Variants in SAMD12 observed in about 807,000 individuals in gnomAD.
SAMD12 encodes sterile alpha motif domain containing 12.
SAMD12 carries 9 observed loss-of-function variants against 15.0 expected under a neutral mutation model. The observed-to-expected ratio is 0.60, with a 90% CI of 0.36 to 1.05. The LOEUF is 1.05. Among genes scored for constraint, SAMD12 ranks in the 50% least tolerant of loss-of-function variants. The probability of loss-of-function intolerance (pLI) is 0.01; values close to 1 mark genes in which losing one functional copy is unlikely to be tolerated. For missense variants in SAMD12, 230 were observed against 234.2 expected (o/e 0.98, Z 0.12); for synonymous variants, 86 against 90.1 (o/e 0.96, Z 0.25).
chr8:118,397,159 T>G (rs547027219), intron 3 of SAMD12, among the ~76,000 whole-genome samples: 78 of 152,110 alleles, frequency 5.1e-4, no homozygotes, highest in Non-Finnish European at 9.6e-4. Flanking sequence ...CAAGGAGAAG[T>G]CTGGTTTGAG....
chr8:118,148,525 C>A, the SAMD12 span, among the ~76,000 whole-genome samples: 1 of 152,124 alleles, frequency 6.6e-6, no homozygotes, highest in Non-Finnish European at 1.5e-5. Flanking sequence ...AAAACTGCTT[C>A]ATTGAGTTAT....
At chr8:118,155,271 G>A in the SAMD12 span, among the ~76,000 whole-genome samples, 1 of 151,978 alleles carries the variant, frequency 6.6e-6, no homozygotes, top group Non-Finnish European at 1.5e-5. Context: ...AAGTTAGAAC[G>A]GACTCAACCC....
At chr8:118,250,397 TG>T (rs1228021263) in intron 4 of SAMD12, among the ~76,000 whole-genome samples, 1 of 152,142 alleles carries the variant, frequency 6.6e-6, no homozygotes, top group African/African-American at 2.4e-5. Flanking sequence ...GTATTTGGCA[TG>T]CAGCATGGAC....
At chr8:118,456,621 C>T (rs1032702615) in intron 2 of SAMD12, among the ~76,000 whole-genome samples, 16 of 152,174 alleles carry the variant, frequency 1.1e-4, no homozygotes, top group African/African-American at 2.7e-4. Flanking sequence ...AGGGTTTTCA[C>T]GTCAAGACAA....
the SAMD12 span, among the ~76,000 whole-genome samples, chr8:118,158,885 G>A: frequency 6.6e-6 from 1 of 152,038 alleles, no homozygotes; most frequent in East Asian, 1.9e-4. Context: ...CTGCAGAAAG[G>A]AGCTACCCAC....
chr8:118,197,336 C>A, exon 5 of SAMD12: 1 of 286,412 alleles, frequency 3.5e-6, no homozygotes, highest in South Asian at 7.2e-5. Context: ...ATGCCATCTG[C>A]ACACATAATA....
chr8:118,592,216 GA>G, intron 1 of SAMD12, among the ~76,000 whole-genome samples: 1 of 152,138 alleles, frequency 6.6e-6, no homozygotes, highest in Non-Finnish European at 1.5e-5. Context: ...AGCTACTTGG[GA>G]GGCTGAGGCA....
intron 4 of SAMD12, among the ~76,000 whole-genome samples, chr8:118,359,492 T>C (rs993053253): frequency 3.3e-5 from 5 of 152,196 alleles, no homozygotes; most frequent in Non-Finnish European, 7.3e-5. Context: ...GTGTTCCCAG[T>C]TGTAACTCTA....
chr8:118,347,205 A>C (rs1817711305), intron 4 of SAMD12, among the ~76,000 whole-genome samples: 1 of 152,068 alleles, frequency 6.6e-6, no homozygotes, highest in South Asian at 2.1e-4. Context: ...CTGGAATTAC[A>C]GGCATGAGCC....
intron 3 of SAMD12, among the ~76,000 whole-genome samples, chr8:118,416,863 T>C (rs1344227920): frequency 6.6e-6 from 1 of 152,250 alleles, no homozygotes; most frequent in Non-Finnish European, 1.5e-5. Context: ...TTCAGTTAAC[T>C]TTTTGCATTT....
chr8:118,366,881 TAATAAAATAAAATAA>T (rs67702658), intron 4 of SAMD12, among the ~76,000 whole-genome samples: 11 of 52,346 alleles, frequency 2.1e-4, no homozygotes, highest in South Asian at 2.1e-3. Context: ...TAAAATAAAA[TAATAAAATAAAATAA>T]AATAAAATAA....
At chr8:118,175,161 A>G in the SAMD12 span, among the ~76,000 whole-genome samples, 1 of 152,194 alleles carries the variant, frequency 6.6e-6, no homozygotes, top group Admixed American at 6.6e-5. Context: ...CATGGAACAG[A>G]TTAGAGAACT....
chr8:118,249,238 T>G (rs1812765099), intron 4 of SAMD12, among the ~76,000 whole-genome samples: 1 of 152,170 alleles, frequency 6.6e-6, no homozygotes, highest in Non-Finnish European at 1.5e-5. Context: ...TCCAAATGAT[T>G]AATCATTTTC....
the SAMD12 span, among the ~76,000 whole-genome samples, chr8:118,143,445 T>C: frequency 3.3e-5 from 5 of 152,198 alleles, no homozygotes; most frequent in South Asian, 4.1e-4. Context: ...TGCACTCAAT[T>C]AGTGTCAAAA....
intron 2 of SAMD12, among the ~76,000 whole-genome samples, chr8:118,456,468 T>C (rs1185612182): frequency 6.6e-6 from 1 of 152,238 alleles, no homozygotes; most frequent in East Asian, 1.9e-4. Context: ...GAATACTCTT[T>C]AGAAGAATGA....
chr8:118,497,734 G>T (rs1176389549), intron 2 of SAMD12, among the ~76,000 whole-genome samples: 3 of 87,578 alleles, frequency 3.4e-5, no homozygotes, highest in Non-Finnish European at 6.5e-5. Context: ...GGGGGGGGGT[G>T]GGGGGAAAGA....
chr8:118,132,988 A>ATAT, the SAMD12 span, among the ~76,000 whole-genome samples: 4 of 67,440 alleles, frequency 5.9e-5, no homozygotes, highest in Admixed American at 6.7e-4. Context: ...ATATATATAT[A>ATAT]TATATATATA....
At chr8:118,296,953 T>A (rs1467187887) in intron 4 of SAMD12, among the ~76,000 whole-genome samples, 1 of 152,232 alleles carries the variant, frequency 6.6e-6, no homozygotes, top group African/African-American at 2.4e-5. Flanking sequence ...ATGAATGACA[T>A]TCTGGTCTAA....
chr8:118,586,141 C>T (rs113864932), intron 1 of SAMD12, among the ~76,000 whole-genome samples: 6 of 152,148 alleles, frequency 3.9e-5, no homozygotes, highest in Non-Finnish European at 5.9e-5. Flanking sequence ...ATAGAAACTG[C>T]AAGCAGTGCC....
Sources: gnomAD v4.1 joint callset for allele counts (sites outside exome capture counted in the v4.1 genomes callset) on GRCh38, gnomAD v4.1.1 for gene constraint, MANE v1.5 for transcripts, NCBI Gene and HGNC (gene_info 2026-07-23, HGNC 2026-07-21) for gene names.